The following HMCN1 variants were observed in gnomAD, a reference collection of about 807,000 sequenced individuals.
The protein encoded by HMCN1 is hemicentin 1.
Under a neutral mutation model 625.9 loss-of-function variants are expected in HMCN1, and 321 were observed. That is an observed-to-expected ratio of 0.51 (90% CI 0.47 to 0.56). The LOEUF is 0.56. Ranked by LOEUF, HMCN1 falls within the 20% of genes least tolerant of loss-of-function variation. HMCN1 has a pLI of 0.00. For missense variants in HMCN1, 6,588 were observed against 6,887.3 expected, an observed-to-expected ratio of 0.96 and a Z score of 1.54; for synonymous variants, 2,425 against 2,417.6, an observed-to-expected ratio of 1.00 and a Z score of -0.09.
chr1:186,167,995 C>T (rs901733738), intron 100 of HMCN1, among the ~76,000 whole-genome samples: 8 of 151,340 alleles, frequency 5.3e-5, no homozygotes, highest in South Asian at 2.1e-4. Context: ...CAATAAATGA[C>T]GCATGGTACA....
At chr1:186,000,633 GA>G (rs1653129585) in intron 26 of HMCN1, among the ~76,000 whole-genome samples, 1 of 150,810 alleles carries the variant, frequency 6.6e-6, no homozygotes, top group Non-Finnish European at 1.5e-5. Context: ...AATATAGAAA[GA>G]AATACAATGT....
chr1:186,038,005 G>T lies in HMCN1; in HGVS notation c.5821G>T (p.Glu1941Ter), dbSNP rs201259057. The change falls in exon 37 of 107, where the codon GAG becomes TAG. Residue 1941 changes from glutamate (E) to a stop codon, truncating the protein, a stop_gained. Coordinates refer to ENST00000271588, the MANE Select transcript of HMCN1 (RefSeq NM_031935.3). LOFTEE classifies it high-confidence loss of function. ...TVLVSNPVQL[E>*]CKAAGNPVPV... Reference sequence around the variant, plus strand: ...GTTGGTGAGCAACCCTGTACAGCTGGAGTGTAAGGCAGCTGGAAATCCTGT... The same window carrying T: ...GTTGGTGAGCAACCCTGTACAGCTGTAGTGTAAGGCAGCTGGAAATCCTGT... 1 of 1,611,276 alleles carries T rather than the reference G, an allele frequency of 6.2e-7. No individual in the cohort carries two copies. The highest frequency in any genetic ancestry group is 8.5e-7 in the Non-Finnish European group (1 of 1,177,556).
chr1:186,043,151 G>T (rs1656319601), intron 40 of HMCN1, among the ~76,000 whole-genome samples: 1 of 152,076 alleles, frequency 6.6e-6, no homozygotes, highest in Admixed American at 6.6e-5. Context: ...TGGCAACTCT[G>T]ATTTTAGTAA....
chr1:185,959,324 T>A (rs973156386), intron 11 of HMCN1, among the ~76,000 whole-genome samples: 4 of 152,160 alleles, frequency 2.6e-5, no homozygotes, highest in African/African-American at 7.2e-5. Flanking sequence ...AAGAGTTAGG[T>A]GAGACTTTTT....
Position 185,827,189 on chromosome 1 carries a change from GA to G in HMCN1, c.269-18829del, listed in dbSNP as rs1226164276. On this transcript the variant is annotated intron_variant, in intron 1 of 106. Coordinates refer to ENST00000271588, the MANE Select transcript of HMCN1 (RefSeq NM_031935.3). ...TCCATCTCAAAAAAAAAAAAAAAAAGAAAAAAAATTGCAAGAAAAATATGAG... is the reference window on the plus strand; with the variant it reads ...TCCATCTCAAAAAAAAAAAAAAAAAGAAAAAAATTGCAAGAAAAATATGAG... 6.4e-3 allele frequency among the ~76,000 whole-genome samples: 885 copies of G among 138,644 alleles called. 4 individuals are homozygous for G. The highest frequency in any genetic ancestry group is 0.014 in the Middle Eastern group (4 of 276). 91.0% of individuals were successfully genotyped at this position (138,644 alleles called of 152,430 possible).
chr1:185,933,855 A>G (rs1322668182), intron 11 of HMCN1, 31 bp downstream of exon 11: 2 of 1,605,030 alleles, frequency 1.2e-6, no homozygotes, highest in African/African-American at 1.3e-5. Flanking sequence ...CTGAATTATG[A>G]CATCTTTCTG....
In HMCN1 at chr1:185,810,028, C is replaced by T. The variant is rs897371757; in HGVS notation, c.269-35998C>T. On this transcript the variant is annotated intron_variant, in intron 1 of 106. Coordinates refer to ENST00000271588, the MANE Select transcript of HMCN1 (RefSeq NM_031935.3). ...GAAATAAACACTTGAATAAACAAAC[C>T]GATCATTGCCACTCTTCTCAGGAAT... Among the ~76,000 whole-genome samples, 7 of 152,140 alleles carry T rather than the reference C, an allele frequency of 4.6e-5. 1 individual carries two copies. In the South Asian group the frequency reaches 8.3e-4, roughly 18 times the overall value.
chr1:185,910,246 A>C (rs1368007167), intron 5 of HMCN1, among the ~76,000 whole-genome samples: 1 of 152,124 alleles, frequency 6.6e-6, no homozygotes, highest in African/African-American at 2.4e-5. Context: ...TTTCTTACTT[A>C]AATAACTAAT....
chr1:185,987,492 C>A lies in HMCN1; in HGVS notation c.2996C>A (p.Thr999Asn). The A allele has an allele frequency of 6.2e-7, 1 of 1,613,980 alleles. No homozygotes were observed. The highest frequency in any genetic ancestry group is 8.5e-7 in the Non-Finnish European group (1 of 1,179,842). The change falls in exon 20 of 107, where the codon ACT becomes AAT. Residue 999 changes from threonine (T) to asparagine (N), a missense_variant. This residue lies in a region of HMCN1 where 4,628 missense variants were observed against 4,853.1 expected (regional missense o/e 0.95). Coordinates refer to ENST00000271588, the MANE Select transcript of HMCN1 (RefSeq NM_031935.3). Reference sequence around the variant, plus strand: ...AGTACAATTGAAGGCATTCCAGTAACTTTACCATGCAAAGCAAGTGGAAAT... The same window carrying A: ...AGTACAATTGAAGGCATTCCAGTAAATTTACCATGCAAAGCAAGTGGAAAT... ...ILSTIEGIPV[T>N]LPCKASGNPK...
chr1:186,166,123 A>G (rs1651861854), intron 98 of HMCN1, 61 bp from the exon 99 acceptor site: 8 of 1,600,142 alleles, frequency 5.0e-6, no homozygotes, highest in South Asian at 1.1e-5. Flanking sequence ...ACTGGCTTTA[A>G]TAACTCCCAG....
In HMCN1 at chr1:186,178,519, G is replaced by T. The variant is rs746623041; in HGVS notation, c.16047G>T (p.Gly5349=). 9 of 1,613,930 alleles carry T rather than the reference G, an allele frequency of 5.6e-6. No individual in the cohort carries two copies. The South Asian group carries it at 9.9e-5, about 18-fold the overall frequency. Residue 5349 remains glycine, a synonymous_variant, in exon 104 of 107, where the codon GGG becomes GGT. Transcript: ENST00000271588. ...CICPPGQHLL[G]DGKSCAGLER... The stretch of plus-strand genomic sequence containing the variant: ...GTCCACCAGGACAACATTTATTAGG[G>T]GACGGGAAATCTTGCGCTGGATTGG...
At chr1:185,735,175 G>T in intron 1 of HMCN1, 128 bp downstream of exon 1, 1 of 1,080,068 alleles carries the variant, frequency 9.3e-7, no homozygotes. Context: ...GAAAATAGTT[G>T]TAACAAAGAA....
At chr1:186,059,392 C>T (rs1657543017) in intron 46 of HMCN1, among the ~76,000 whole-genome samples, 1 of 152,016 alleles carries the variant, frequency 6.6e-6, no homozygotes, top group Non-Finnish European at 1.5e-5. Flanking sequence ...TGCAGCAGAG[C>T]TCCTGGAAGT....
chr1:185,773,397 G>T (rs1656381993), intron 1 of HMCN1, among the ~76,000 whole-genome samples: 1 of 152,146 alleles, frequency 6.6e-6, no homozygotes, highest in Non-Finnish European at 1.5e-5. Context: ...TGAGCATGGG[G>T]CTAATTTCAC....
At chr1:185,996,050 A>G (rs921278298) in intron 24 of HMCN1, among the ~76,000 whole-genome samples, 2 of 152,172 alleles carry the variant, frequency 1.3e-5, no homozygotes, top group Admixed American at 1.3e-4. Flanking sequence ...TTTCCTGTTC[A>G]TTCCACAAAC....
chr1:186,085,164 C>T (rs1659396046), intron 57 of HMCN1, among the ~76,000 whole-genome samples: 1 of 152,146 alleles, frequency 6.6e-6, no homozygotes, highest in South Asian at 2.1e-4. Flanking sequence ...TTTGTGTCTA[C>T]ACTATAGTGA....
chr1:185,954,883 C>T (rs1298607156), intron 11 of HMCN1, among the ~76,000 whole-genome samples: 6 of 151,960 alleles, frequency 3.9e-5, no homozygotes, highest in Admixed American at 1.3e-4. Context: ...TAATGGGAGA[C>T]GTTTTCTTTG....
rs1342952734 is a variant in HMCN1, at chr1:186,086,261, T to G, written c.8900T>G (p.Ile2967Ser). Reference protein sequence around the residue: ...NLNVHVPPSVIGPKSENLTVV... With the variant: ...NLNVHVPPSVSGPKSENLTVV... The stretch of plus-strand genomic sequence containing the variant: ...ACTATTATAGTTCCTCCAAGTGTCA[T>G]TGGTCCTAAATCTGAAAATCTTACC... Residue 2967 changes from isoleucine (I) to serine (S), a missense_variant, in exon 58 of 107, where the codon ATT becomes AGT. Ile to Ser is a moderately radical substitution (Grantham distance 142). Around this residue, in one of 3 missense-constraint regions of HMCN1, gnomAD observed 4,628 missense variants for 4,853.1 expected, o/e 0.95. Coordinates refer to ENST00000271588, the MANE Select transcript of HMCN1 (RefSeq NM_031935.3). The G allele has an allele frequency of 6.2e-7, 1 of 1,612,144 alleles. No homozygotes were observed. Among genetic ancestry groups the G allele is most frequent in the Non-Finnish European group, 8.5e-7 (1 of 1,178,574 alleles).
At chr1:185,964,371 TTG>T (rs1236136842) in intron 13 of HMCN1, among the ~76,000 whole-genome samples, 1 of 152,124 alleles carries the variant, frequency 6.6e-6, no homozygotes, top group Non-Finnish European at 1.5e-5. Flanking sequence ...CTATTTAATT[TTG>T]TCTTTCTTAG....
Sources: allele counts gnomAD v4.1 joint callset (sites outside exome capture counted in the v4.1 genomes callset), GRCh38; gene constraint gnomAD v4.1.1; regional missense constraint gnomAD v4.1.1; transcripts MANE v1.5; gene names NCBI Gene and HGNC (gene_info 2026-07-23, HGNC 2026-07-21).